Variants in SLC16A9 observed in about 807,000 individuals in gnomAD.
SLC16A9 encodes the protein solute carrier family 16 member 9.
SLC16A9 carries 26 observed loss-of-function variants against 44.3 expected under a neutral mutation model. That is an observed-to-expected ratio of 0.59 (90% CI 0.43 to 0.81). SLC16A9 has a LOEUF of 0.81. Ranked by LOEUF, SLC16A9 falls within the 40% of genes least tolerant of loss-of-function variation. SLC16A9 has a pLI of 0.00. For synonymous variants in SLC16A9, 230 were observed against 225.1 expected (o/e 1.02, Z -0.19); for missense variants, 559 against 595.8 (o/e 0.94, Z 0.64).
At chr10:59,678,188 A>T (rs1043664819) in intron 2 of SLC16A9, among the ~76,000 whole-genome samples, 7 of 151,816 alleles carry the variant, frequency 4.6e-5, no homozygotes, top group Non-Finnish European at 7.4e-5. Context: ...ACAGTGAGAA[A>T]CAGAATATAG....
intron 4 of SLC16A9, among the ~76,000 whole-genome samples, chr10:59,657,014 G>A (rs369340658): frequency 2.0e-5 from 3 of 152,130 alleles, no homozygotes; most frequent in Non-Finnish European, 2.9e-5. Context: ...AAGGATCAGA[G>A]AGTAAATATT....
At chr10:59,680,171 G>C (rs1564704803) in intron 2 of SLC16A9, among the ~76,000 whole-genome samples, 1 of 151,838 alleles carries the variant, frequency 6.6e-6, no homozygotes, top group Non-Finnish European at 1.5e-5. Context: ...TTCATCCCAG[G>C]GATTATCTGG....
At chr10:59,673,744 C>T (rs1839800975) in intron 2 of SLC16A9, among the ~76,000 whole-genome samples, 1 of 152,216 alleles carries the variant, frequency 6.6e-6, no homozygotes, top group Admixed American at 6.5e-5. Context: ...AAGCCGAACA[C>T]AGCACGCTGT....
intron 4 of SLC16A9, among the ~76,000 whole-genome samples, chr10:59,659,277 T>C (rs995228542): frequency 6.6e-6 from 1 of 152,124 alleles, no homozygotes; most frequent in Non-Finnish European, 1.5e-5. Flanking sequence ...ACCAGTACTT[T>C]AGAAAAATTG....
At chr10:59,653,523 C>G (rs1839265683) in intron 5 of SLC16A9, 152 bp downstream of exon 5, 1 of 447,622 alleles carries the variant, frequency 2.2e-6, no homozygotes, top group Non-Finnish European at 3.7e-6. Flanking sequence ...TCAATTATAT[C>G]AAAGCAGTCT....
intron 4 of SLC16A9, among the ~76,000 whole-genome samples, chr10:59,662,998 C>T (rs903918227): frequency 6.6e-6 from 1 of 152,158 alleles, no homozygotes; most frequent in Non-Finnish European, 1.5e-5. Context: ...TATTGAAGCA[C>T]TATTCACAAT....
intron 2 of SLC16A9, among the ~76,000 whole-genome samples, chr10:59,677,543 C>T (rs912223460): frequency 6.6e-6 from 1 of 152,040 alleles, no homozygotes; most frequent in African/African-American, 2.4e-5. Context: ...AAACACAATC[C>T]AGGACTCAGA....
intron 1 of SLC16A9, chr10:59,708,510 A>G (rs1840693195): frequency 6.6e-6 from 1 of 152,212 alleles, no homozygotes; most frequent in Admixed American, 6.5e-5. Flanking sequence ...TCCACCTTCA[A>G]TATGAACTGT....
chr10:59,699,117 C>G (rs1840465469), intron 1 of SLC16A9, among the ~76,000 whole-genome samples: 2 of 152,182 alleles, frequency 1.3e-5, no homozygotes. Context: ...TATCCGCAGT[C>G]CCCAACAGAA....
In SLC16A9 at chr10:59,654,109, A is replaced by G. The variant is rs1839287250; in HGVS notation, c.917T>C (p.Phe306Ser). 6.2e-7 allele frequency: 1 copy of G among 1,614,142 alleles called. No homozygotes were observed. The highest frequency in any genetic ancestry group is 8.5e-7 in the Non-Finnish European group (1 of 1,180,042). Residue 306 changes from phenylalanine (F) to serine (S), a missense_variant, in exon 5 of 6, where the codon TTT becomes TCT. Transcript: ENST00000395348. ...ETVALFKNKV[F>S]SALFIAILLF... Reference sequence around the variant, plus strand: ...TAAGATAGCAATGAAAAGGGCTGAAAATACTTTGTTTTTAAAAAGAGCCAC... The same window carrying G: ...TAAGATAGCAATGAAAAGGGCTGAAGATACTTTGTTTTTAAAAAGAGCCAC...
At chr10:59,696,379 G>T (rs1452477335) in intron 1 of SLC16A9, among the ~76,000 whole-genome samples, 1 of 152,234 alleles carries the variant, frequency 6.6e-6, no homozygotes, top group African/African-American at 2.4e-5. Flanking sequence ...TTGCCGGGAT[G>T]GCAGACGGAG....
At chr10:59,676,691 G>C (rs539426338) in intron 2 of SLC16A9, among the ~76,000 whole-genome samples, 1 of 152,270 alleles carries the variant, frequency 6.6e-6, no homozygotes, top group African/African-American at 2.4e-5. Flanking sequence ...GTGAGGCCAA[G>C]GCAGGTGGAA....
chr10:59,688,565 GCT>G (rs1234893441), intron 1 of SLC16A9, among the ~76,000 whole-genome samples: 1 of 151,910 alleles, frequency 6.6e-6, no homozygotes, highest in Non-Finnish European at 1.5e-5. Flanking sequence ...TTGGAAATTT[GCT>G]CTCTCTGGTA....
chr10:59,668,293 T>C (rs1486433826), intron 3 of SLC16A9, among the ~76,000 whole-genome samples: 1 of 152,178 alleles, frequency 6.6e-6, no homozygotes, highest in East Asian at 1.9e-4. Context: ...AACAAACACG[T>C]ATAAAAAGAC....
chr10:59,671,625 A>G (rs1316356926), intron 3 of SLC16A9, among the ~76,000 whole-genome samples: 1 of 152,188 alleles, frequency 6.6e-6, no homozygotes, highest in Non-Finnish European at 1.5e-5. Flanking sequence ...TGGACAAAGC[A>G]ATAAGAGGTA....
chr10:59,684,157 A>C lies in SLC16A9; in HGVS notation c.135T>G (p.Gly45=), dbSNP rs754685030. 2 of 1,613,886 alleles carry C rather than the reference A, an allele frequency of 1.2e-6. No homozygotes were observed. Among genetic ancestry groups the C allele is most frequent in the Non-Finnish European group, 1.7e-6 (2 of 1,179,968 alleles). ...VLYIEWLDAF[G]EGKGKTAWVG... ...CCCAGGCTGTTTTTCCTTTTCCTTC[A>C]CCAAAGGCATCCAGCCATTCTATGT... Residue 45 remains glycine, a synonymous_variant, in exon 2 of 6, where the codon GGT becomes GGG. Transcript: ENST00000395348.
At chr10:59,689,552 G>A (rs898960942) in intron 1 of SLC16A9, among the ~76,000 whole-genome samples, 32 of 152,120 alleles carry the variant, frequency 2.1e-4, no homozygotes, top group Admixed American at 1.4e-3. Context: ...GAAAATCTGC[G>A]GAGTTTATGG....
intron 1 of SLC16A9, among the ~76,000 whole-genome samples, chr10:59,695,780 G>A (rs2132526382): frequency 6.6e-6 from 1 of 152,240 alleles, no homozygotes; most frequent in East Asian, 1.9e-4. Context: ...TCTGAACAAT[G>A]AGAAAAAAAC....
intron 1 of SLC16A9, among the ~76,000 whole-genome samples, chr10:59,697,391 A>T (rs943481206): frequency 1.3e-5 from 2 of 151,294 alleles, no homozygotes; most frequent in African/African-American, 4.8e-5. Context: ...TGTACTAAGA[A>T]AAATTCTTCT....
Sources: gnomAD v4.1 joint callset for allele counts (sites outside exome capture counted in the v4.1 genomes callset) on GRCh38, gnomAD v4.1.1 for gene constraint, MANE v1.5 for transcripts, NCBI Gene and HGNC (gene_info 2026-07-23, HGNC 2026-07-21) for gene names.